PTPRR: variants seen among roughly 807,000 people sequenced by gnomAD.
PTPRR encodes the protein protein tyrosine phosphatase receptor type R.
A neutral mutation model predicts 77.2 loss-of-function variants in PTPRR; 38 were observed. The observed-to-expected ratio is 0.49, with a 90% CI of 0.38 to 0.65. PTPRR has a LOEUF of 0.65. Among genes scored for constraint, PTPRR ranks in the 30% least tolerant of loss-of-function variants. The pLI is 0.00. For synonymous variants in PTPRR, 299 were observed against 283.1 expected, an observed-to-expected ratio of 1.06 and a Z score of -0.57; for missense variants, 744 against 799.2, an observed-to-expected ratio of 0.93 and a Z score of 0.83.
intron 2 of PTPRR, chr12:70,789,058 T>C: frequency 2.1e-6 from 1 of 471,688 alleles, no homozygotes; most frequent in African/African-American, 2.0e-5. Context: ...GCTTGCTGTT[T>C]CAACAGTTTA....
chr12:70,847,724 A>G (rs1039675627), intron 2 of PTPRR, among the ~76,000 whole-genome samples: 29 of 152,148 alleles, frequency 1.9e-4, no homozygotes, highest in African/African-American at 7.0e-4. Flanking sequence ...ATGCTTAGAG[A>G]GAGGGAATTT....
intron 2 of PTPRR, among the ~76,000 whole-genome samples, chr12:70,779,012 A>G (rs1891147004): frequency 1.3e-5 from 2 of 151,714 alleles, no homozygotes; most frequent in Non-Finnish European, 2.9e-5. Context: ...CACCCAGCTA[A>G]TTTTTTTGTA....
intron 1 of PTPRR, among the ~76,000 whole-genome samples, chr12:70,909,155 A>G (rs980786758): frequency 1.3e-5 from 2 of 152,142 alleles, no homozygotes; most frequent in African/African-American, 4.8e-5. Context: ...CCAGAGGCAC[A>G]AGACAGGCCT....
At chr12:70,760,625 C>G (rs1890669685) in intron 4 of PTPRR, among the ~76,000 whole-genome samples, 1 of 152,126 alleles carries the variant, frequency 6.6e-6, no homozygotes, top group South Asian at 2.1e-4. Context: ...AAAACCCTGC[C>G]TCTATAAGAG....
At chr12:70,670,849 G>C (rs545490052) in intron 10 of PTPRR, among the ~76,000 whole-genome samples, 302 of 152,232 alleles carry the variant, frequency 2.0e-3, no homozygotes, top group Middle Eastern at 0.01. Flanking sequence ...CTAAATGAAG[G>C]AACTCAAACT....
chr12:70,813,165 A>T (rs1891840391), intron 2 of PTPRR, among the ~76,000 whole-genome samples: 1 of 152,230 alleles, frequency 6.6e-6, no homozygotes, highest in Non-Finnish European at 1.5e-5. Flanking sequence ...CCAAGCACAT[A>T]CATTCATCAT....
chr12:70,853,230 T>C (rs6581970), intron 2 of PTPRR, among the ~76,000 whole-genome samples: 100,530 of 152,088 alleles, frequency 0.66, 34,083 homozygotes, highest in African/African-American at 0.81. Context: ...TACATCCACA[T>C]TTTAAGAAAG....
intron 10 of PTPRR, among the ~76,000 whole-genome samples, chr12:70,677,839 GTA>G (rs1235577143): frequency 1.3e-5 from 2 of 152,104 alleles, no homozygotes; most frequent in Non-Finnish European, 2.9e-5. Context: ...ATTTTTGCAT[GTA>G]TATCAGAGTG....
chr12:70,892,187 T>A (rs559201562), intron 2 of PTPRR, among the ~76,000 whole-genome samples: 55 of 152,076 alleles, frequency 3.6e-4, no homozygotes, highest in Admixed American at 7.2e-4. Context: ...CAACTCATTT[T>A]ATTTGCTCCA....
At chr12:70,790,904 TC>T (rs1565698295) in intron 2 of PTPRR, among the ~76,000 whole-genome samples, 1 of 151,964 alleles carries the variant, frequency 6.6e-6, no homozygotes, top group East Asian at 1.9e-4. Flanking sequence ...TTGTCTCCCT[TC>T]TTTCTCTCAC....
intron 2 of PTPRR, among the ~76,000 whole-genome samples, chr12:70,807,961 G>C (rs1891740418): frequency 6.6e-6 from 1 of 152,274 alleles, no homozygotes; most frequent in Admixed American, 6.5e-5. Context: ...CTGCCTGTGG[G>C]CTGGGCAGGA....
intron 2 of PTPRR, among the ~76,000 whole-genome samples, chr12:70,791,570 A>T (rs1378534977): frequency 1.3e-5 from 2 of 152,194 alleles, no homozygotes; most frequent in Non-Finnish European, 2.9e-5. Flanking sequence ...AAAAGCAAGG[A>T]TTTTGACTGT....
chr12:70,684,414 G>T, intron 9 of PTPRR, 150 bp from the exon 10 acceptor site: 4 of 867,608 alleles, frequency 4.6e-6, no homozygotes, highest in Non-Finnish European at 6.9e-6. Context: ...AATTTCCATG[G>T]GTATTTTGGC....
At chr12:70,831,957 T>A (rs1283893921) in intron 2 of PTPRR, among the ~76,000 whole-genome samples, 2 of 152,200 alleles carry the variant, frequency 1.3e-5, no homozygotes, top group East Asian at 3.8e-4. Flanking sequence ...GTTTTAATGT[T>A]CACATTCTGA....
At chr12:70,893,296 C>T (rs1195705972) in intron 1 of PTPRR, among the ~76,000 whole-genome samples, 1 of 151,958 alleles carries the variant, frequency 6.6e-6, no homozygotes. Flanking sequence ...CCTACTTGGG[C>T]TTCTATTCCT....
intron 2 of PTPRR, among the ~76,000 whole-genome samples, chr12:70,866,067 C>T (rs1318466034): frequency 6.6e-6 from 1 of 151,726 alleles, no homozygotes; most frequent in East Asian, 1.9e-4. Flanking sequence ...CACTAAATGC[C>T]CACAAGAGAA....
intron 3 of PTPRR, among the ~76,000 whole-genome samples, chr12:70,762,565 A>T (rs1890717671): frequency 1.3e-5 from 2 of 152,238 alleles, no homozygotes; most frequent in Non-Finnish European, 2.9e-5. Context: ...CTGATGTGAA[A>T]CATGTTTATA....
At chr12:70,877,977 C>G (rs1893081320) in intron 2 of PTPRR, among the ~76,000 whole-genome samples, 1 of 152,042 alleles carries the variant, frequency 6.6e-6, no homozygotes, top group African/African-American at 2.4e-5. Flanking sequence ...TTTGACAAAC[C>G]TGAGAAAAAC....
At chr12:70,766,283 G>A (rs1220347044) in intron 2 of PTPRR, among the ~76,000 whole-genome samples, 3 of 152,282 alleles carry the variant, frequency 2.0e-5, no homozygotes, top group African/African-American at 4.8e-5. Flanking sequence ...TTAGACAAAT[G>A]TATAACTAGA....
Sources: gnomAD v4.1 joint callset for allele counts (sites outside exome capture counted in the v4.1 genomes callset) on GRCh38, gnomAD v4.1.1 for gene constraint, MANE v1.5 for transcripts, NCBI Gene and HGNC (gene_info 2026-07-23, HGNC 2026-07-21) for gene names.